CFAP47: variants seen among roughly 807,000 people sequenced by gnomAD.
CFAP47 encodes cilia- and flagella-associated protein 47.
CFAP47 carries 29 observed loss-of-function variants against 148.1 expected under a neutral mutation model. The observed-to-expected ratio is 0.20, with a 90% CI of 0.15 to 0.27. The LOEUF (loss-of-function observed/expected upper bound fraction) is 0.27, where lower values mean the gene tolerates loss of function less well. Among genes scored for constraint, CFAP47 ranks in the 10% least tolerant of loss-of-function variants. The pLI, the probability that CFAP47 is intolerant of heterozygous loss-of-function variation, is 1.00. For missense variants in CFAP47, 1,872 were observed against 1,697.5 expected, an observed-to-expected ratio of 1.10 and a Z score of -1.81; for synonymous variants, 664 against 577.3, an observed-to-expected ratio of 1.15 and a Z score of -2.15.
chrX:35,995,049 C>A (rs1181273617), intron 18 of CFAP47, among the ~76,000 whole-genome samples: 2 of 111,386 alleles, frequency 1.8e-5, no homozygotes, highest in African/African-American at 6.5e-5. Context: ...TTATCAGAGA[C>A]AGCTCCCTAG....
intron 39 of CFAP47, among the ~76,000 whole-genome samples, chrX:36,173,463 T>C (rs1315272807): frequency 8.9e-6 from 1 of 111,895 alleles, no homozygotes; most frequent in Non-Finnish European, 1.9e-5. Flanking sequence ...CTCTACACAC[T>C]GCTTTGAATG....
chrX:36,147,423 C>T (rs754177952), intron 36 of CFAP47, among the ~76,000 whole-genome samples: 1 of 112,351 alleles, frequency 8.9e-6, no homozygotes, highest in East Asian at 2.8e-4. Context: ...TGAATGGCTT[C>T]CTTATGATCT....
At chrX:36,191,863 G>C (rs782535757) in intron 42 of CFAP47, among the ~76,000 whole-genome samples, 1 of 110,353 alleles carries the variant, frequency 9.1e-6, no homozygotes. Context: ...CGCACCTGTA[G>C]TCCCAGCTAC....
intron 21 of CFAP47, among the ~76,000 whole-genome samples, chrX:36,006,090 T>A (rs1368661589): frequency 9.0e-6 from 1 of 111,036 alleles, no homozygotes; most frequent in Non-Finnish European, 1.9e-5. Flanking sequence ...TAAGGATCAT[T>A]GAAAATTAGA....
At chrX:36,290,594 G>C (rs1941183640) in intron 51 of CFAP47, among the ~76,000 whole-genome samples, 1 of 111,974 alleles carries the variant, frequency 8.9e-6, no homozygotes, top group South Asian at 3.7e-4. Flanking sequence ...GAAACTTAGA[G>C]GGCATCCTGA....
chrX:35,951,786 C>A lies in CFAP47; in HGVS notation c.886-17C>A. 5 of 1,082,770 alleles carry A rather than the reference C, an allele frequency of 4.6e-6. No homozygotes were observed. The highest frequency in any genetic ancestry group is 6.0e-6 in the Non-Finnish European group (5 of 834,360). 89.2% of individuals were successfully genotyped at this position (1,082,770 alleles called of 1,213,427 possible). A position where few individuals can be genotyped will look rare whatever the true frequency, so the allele number is the denominator to read the frequency against. ...GTTTTGCCTTAATACTCTTTTATAT[C>A]TGACTTTATATTACAGGGTACAGAT... On this transcript the variant is annotated splice_polypyrimidine_tract_variant and intron_variant, in intron 5 of 63. Transcript: ENST00000378653.
At chrX:36,012,983 T>C (rs188654258) in intron 21 of CFAP47, among the ~76,000 whole-genome samples, 2 of 110,414 alleles carry the variant, frequency 1.8e-5, no homozygotes, top group Admixed American at 1.9e-4. Context: ...TTTTAAGTTG[T>C]CTTTTTTTTT....
At chrX:36,222,771 G>C (rs1940226531) in intron 45 of CFAP47, among the ~76,000 whole-genome samples, 1 of 110,258 alleles carries the variant, frequency 9.1e-6, no homozygotes. Context: ...CTTTTCCAGA[G>C]TATTTGTGAT....
At chrX:36,189,002 G>T (rs1939837265) in intron 41 of CFAP47, among the ~76,000 whole-genome samples, 1 of 111,277 alleles carries the variant, frequency 9.0e-6, no homozygotes, top group African/African-American at 3.3e-5. Flanking sequence ...TTATTTTGGG[G>T]ACAGGTATCA....
Position 36,190,151 on chromosome X carries a change from T to C in CFAP47, c.6276T>C (p.Phe2092=). ...TSSLELRFLP[F]NMHVRYCVII... is the part of the protein sequence containing the mutation. ...GCCTAGAGCTCCGCTTTCTTCCCTT[T>C]AACATGCACGTGCGCTACTGTGTCA... Residue 2092 remains phenylalanine, a synonymous_variant, in exon 42 of 64, where the codon TTT becomes TTC. Transcript: ENST00000378653. 1 of 297,982 alleles carries C rather than the reference T, an allele frequency of 3.4e-6. No individual in the cohort carries two copies. Among genetic ancestry groups the C allele is most frequent in the Non-Finnish European group, 5.9e-6 (1 of 170,209 alleles). 24.6% of individuals were successfully genotyped at this position (297,982 alleles called of 1,213,427 possible).
At chrX:36,108,421 T>A (rs1300867742) in intron 33 of CFAP47, among the ~76,000 whole-genome samples, 4 of 111,867 alleles carry the variant, frequency 3.6e-5, no homozygotes, top group Admixed American at 2.9e-4. Context: ...TGGTCAAAAA[T>A]CTAGGCATCC....
At chrX:36,086,801 C>T (rs1938096368) in intron 30 of CFAP47, among the ~76,000 whole-genome samples, 2 of 111,090 alleles carry the variant, frequency 1.8e-5, no homozygotes, top group South Asian at 3.7e-4. Context: ...CTTGTCATGG[C>T]GGCTTCTGTG....
At chrX:36,074,839 G>A (rs1346390091) in intron 29 of CFAP47, among the ~76,000 whole-genome samples, 6 of 111,367 alleles carry the variant, frequency 5.4e-5, no homozygotes, top group Non-Finnish European at 1.1e-4. Flanking sequence ...CAGCTTCAAT[G>A]AATTCAACTT....
At position 35,924,030 on chromosome X, in the gene CFAP47, T is replaced by C. The variant is rs1476136905; in HGVS notation, c.250-1987T>C. Among the ~76,000 whole-genome samples the C allele has an allele frequency of 2.7e-4, 26 of 95,183 alleles. 1 individual carries two copies. The highest frequency in any genetic ancestry group is 9.5e-4 in the South Asian group (2 of 2,114). 82.7% of individuals were successfully genotyped at this position (95,183 alleles called of 115,157 possible). A position where few individuals can be genotyped will look rare whatever the true frequency, so the allele number is the denominator to read the frequency against. The stretch of plus-strand genomic sequence containing the variant: ...GTGTAAATATATATGCACATATATA[T>C]GCACATATATGTGTATATGTACATG... On this transcript the variant is annotated intron_variant, in intron 1 of 63. Coordinates refer to ENST00000378653, the MANE Select transcript of CFAP47 (RefSeq NM_001304548.2).
At chrX:36,091,085 A>C (rs777585889) in intron 30 of CFAP47, among the ~76,000 whole-genome samples, 28 of 111,870 alleles carry the variant, frequency 2.5e-4, no homozygotes, top group Non-Finnish European at 4.1e-4. Context: ...TGTCTTGTGC[A>C]CTGATGAAGT....
intron 26 of CFAP47, among the ~76,000 whole-genome samples, chrX:36,053,033 G>A (rs1434586420): frequency 8.9e-6 from 1 of 111,942 alleles, no homozygotes; most frequent in Non-Finnish European, 1.9e-5. Context: ...ACTCAAGTTG[G>A]CAATGCTACC....
intron 33 of CFAP47, among the ~76,000 whole-genome samples, chrX:36,114,566 G>A (rs1411855094): frequency 3.6e-5 from 4 of 111,363 alleles, no homozygotes; most frequent in Non-Finnish European, 5.7e-5. Flanking sequence ...TTTGATTGTG[G>A]TATAAGGTGG....
intron 29 of CFAP47, among the ~76,000 whole-genome samples, chrX:36,073,673 C>T (rs1937797151): frequency 9.0e-6 from 1 of 110,722 alleles, no homozygotes. Flanking sequence ...AGTAGGAAAG[C>T]CCTTTTAATA....
chrX:36,111,462 A>G (rs548717610), intron 33 of CFAP47, among the ~76,000 whole-genome samples: 1 of 112,393 alleles, frequency 8.9e-6, no homozygotes, highest in South Asian at 3.7e-4. Context: ...CTACTTGATC[A>G]TGGTAGATTA....
Sources: allele counts gnomAD v4.1 joint callset (sites outside exome capture counted in the v4.1 genomes callset), GRCh38; gene constraint gnomAD v4.1.1; transcripts MANE v1.5; gene names NCBI Gene and HGNC (gene_info 2026-07-23, HGNC 2026-07-21).